The following TMEM184B variants were observed in gnomAD, a reference collection of about 807,000 sequenced individuals.
TMEM184B encodes putative MAPK-activating protein FM08.
In TMEM184B, 17 loss-of-function variants were observed where a neutral mutation model predicts 41.8. The ratio of observed to expected loss-of-function variants is 0.41; its 90% confidence interval spans 0.28 to 0.61. The LOEUF (loss-of-function observed/expected upper bound fraction) is 0.61. Among genes scored for constraint, TMEM184B ranks in the 20% least tolerant of loss-of-function variants. The pLI is 0.34. For missense variants in TMEM184B, 393 were observed against 557.8 expected, an observed-to-expected ratio of 0.70 and a Z score of 2.98; for synonymous variants, 240 against 229.5, an observed-to-expected ratio of 1.05 and a Z score of -0.41.
chr22:38,237,801 C>CTTT (rs563345165), intron 3 of TMEM184B, among the ~76,000 whole-genome samples: 1 of 139,518 alleles, frequency 7.2e-6, no homozygotes. Context: ...TCCCTACTGT[C>CTTT]TTTTTTTTTT....
At chr22:38,222,814 C>A (rs568956237) in intron 8 of TMEM184B, 37 of 671,696 alleles carry the variant, frequency 5.5e-5, no homozygotes, top group Non-Finnish European at 6.1e-5. Flanking sequence ...GTCCCCACCC[C>A]CCCAGGCCCC....
intron 1 of TMEM184B, among the ~76,000 whole-genome samples, chr22:38,253,470 C>T (rs1328353295): frequency 6.6e-6 from 1 of 152,000 alleles, no homozygotes; most frequent in Non-Finnish European, 1.5e-5. Context: ...ACTTGGGAGG[C>T]TGAGGCGGGA....
intron 3 of TMEM184B, among the ~76,000 whole-genome samples, chr22:38,243,882 G>A (rs2091967796): frequency 6.6e-6 from 1 of 152,200 alleles, no homozygotes; most frequent in African/African-American, 2.4e-5. Flanking sequence ...ATCATGCTCA[G>A]GAAGATGGAA....
At chr22:38,268,609 G>GTA (rs2092477536) in intron 1 of TMEM184B, among the ~76,000 whole-genome samples, 1 of 152,080 alleles carries the variant, frequency 6.6e-6, no homozygotes. Flanking sequence ...ATTTATTTCA[G>GTA]GTCTACTAAG....
intron 3 of TMEM184B, among the ~76,000 whole-genome samples, chr22:38,235,597 A>T (rs2091753166): frequency 6.6e-6 from 1 of 152,284 alleles, no homozygotes; most frequent in Non-Finnish European, 1.5e-5. Context: ...CCCTTTAAAC[A>T]ATCATTAGTG....
At chr22:38,263,199 G>C (rs1316949522) in intron 1 of TMEM184B, among the ~76,000 whole-genome samples, 1 of 152,020 alleles carries the variant, frequency 6.6e-6, no homozygotes, top group Non-Finnish European at 1.5e-5. Flanking sequence ...CACCGCACCT[G>C]GCCCATTTTA....
At position 38,220,221 on chromosome 22, in the gene TMEM184B, G is replaced by A. The variant is rs1191755296; in HGVS notation, c.*1248C>T. ...CCCCAGGTCTAGAGGTGTGGAGGGG[G>A]AGAGGAGGGGCTTGGTGGTCCTGAC... On this transcript the variant is annotated 3_prime_UTR_variant, in exon 9 of 9. Coordinates refer to ENST00000361906, the MANE Select transcript of TMEM184B (RefSeq NM_012264.5). 3 of 985,770 alleles carry A rather than the reference G, an allele frequency of 3.0e-6. No homozygotes were observed. The highest frequency in any genetic ancestry group is 4.7e-5 in the South Asian group (1 of 21,294). The allele number at this position is 985,770 out of a possible 1,614,324, so 61.1% of individuals were successfully genotyped here.
intron 1 of TMEM184B, among the ~76,000 whole-genome samples, chr22:38,250,115 A>G (rs2092129535): frequency 6.6e-6 from 1 of 152,192 alleles, no homozygotes; most frequent in African/African-American, 2.4e-5. Context: ...CCAAATTCGC[A>G]AGCTGGTATT....
chr22:38,270,367 G>A (rs62230167), intron 1 of TMEM184B, among the ~76,000 whole-genome samples: 14,302 of 152,276 alleles, frequency 0.094, 831 homozygotes, highest in South Asian at 0.24. Context: ...ACCACACTGG[G>A]TGGTAGGAAA....
intron 1 of TMEM184B, among the ~76,000 whole-genome samples, chr22:38,256,503 A>C (rs1023924972): frequency 2.0e-5 from 3 of 152,128 alleles, no homozygotes; most frequent in African/African-American, 7.2e-5. Flanking sequence ...TGCTGGGATT[A>C]CAGGCGTGAG....
rs1005790609 is a variant in TMEM184B at position 38,272,568 on chromosome 22, T to A, written c.-59+316A>T. 8 of 985,454 alleles carry A rather than the reference T, an allele frequency of 8.1e-6. No homozygotes were observed. In the African/African-American group the frequency reaches 1.2e-4, roughly 15 times the overall value. 61.0% of individuals were successfully genotyped at this position (985,454 alleles called of 1,614,324 possible). On this transcript the variant is annotated intron_variant, in intron 1 of 8. Transcript: ENST00000361906. Reference sequence around the variant, plus strand: ...CCCTCTTGCAAAGCGCCTTGGTCCATCCGCCTCCCTCTCCCGGGGCCGCCC... The same window carrying A: ...CCCTCTTGCAAAGCGCCTTGGTCCAACCGCCTCCCTCTCCCGGGGCCGCCC...
rs1307654337 is a variant in TMEM184B, at chr22:38,226,197, A to T, written c.617+582T>A. Among the ~76,000 whole-genome samples, 1 of 151,326 alleles carries T rather than the reference A, an allele frequency of 6.6e-6. No individual in the cohort carries two copies. The highest frequency in any genetic ancestry group is 1.5e-5 in the Non-Finnish European group (1 of 67,968). ...TGGGTTCAAGCGATTCTCCTGCCTC[A>T]GCCTCCCGAGTAGCTGGGATTATAG... On this transcript the variant is annotated intron_variant, in intron 6 of 8. Transcript: ENST00000361906. The surrounding 1 kb of genome is among the most constrained non-coding windows in gnomAD (Gnocchi z 4.6).
chr22:38,240,732 C>CAAAAAA (rs550793359), intron 3 of TMEM184B, among the ~76,000 whole-genome samples: 29 of 66,544 alleles, frequency 4.4e-4, no homozygotes, highest in East Asian at 5.1e-4. Flanking sequence ...GAAAAAAAGG[C>CAAAAAA]AAAAAAAAAA....
Position 38,221,147 on chromosome 22 carries a change from C to T in TMEM184B, c.*322G>A. The T allele has an allele frequency of 8.5e-7, 1 of 1,182,618 alleles. No homozygotes were observed. Among genetic ancestry groups the T allele is most frequent in the South Asian group, 2.8e-5 (1 of 36,092 alleles). The allele number at this position is 1,182,618 out of a possible 1,614,324, so 73.3% of individuals were successfully genotyped here. The stretch of plus-strand genomic sequence containing the variant: ...AAGGCTGCAGCCGCTGGTCCACACA[C>T]AAGCATTGGGGCCTGGGTGCGGCTG... On this transcript the variant is annotated 3_prime_UTR_variant, in exon 9 of 9. Transcript: ENST00000361906.
At chr22:38,232,637 G>A (rs118054321) in intron 3 of TMEM184B, among the ~76,000 whole-genome samples, 2,964 of 152,256 alleles carry the variant, frequency 0.019, 40 homozygotes, top group Non-Finnish European at 0.026. Context: ...TGGCCCTCCA[G>A]CCAGAGGGCT....
At chr22:38,224,428 T>A (rs1210692809) in intron 8 of TMEM184B, among the ~76,000 whole-genome samples, 2 of 152,208 alleles carry the variant, frequency 1.3e-5, no homozygotes, top group Non-Finnish European at 2.9e-5. Flanking sequence ...GTATCCTTTT[T>A]TTAAAAAATA....
intron 8 of TMEM184B, 60 bp downstream of exon 8, chr22:38,224,725 T>C (rs964320598): frequency 6.6e-7 from 1 of 1,505,964 alleles, no homozygotes; most frequent in Non-Finnish European, 8.9e-7. Flanking sequence ...GGGAGGGTCC[T>C]GGGATGTTTG....
intron 5 of TMEM184B, among the ~76,000 whole-genome samples, chr22:38,227,084 C>T (rs1449225705): frequency 1.3e-5 from 2 of 150,408 alleles, no homozygotes; most frequent in Non-Finnish European, 3.0e-5. Flanking sequence ...GGGGTGGCTA[C>T]GTGTCCTGCT....
chr22:38,221,530 C>T lies in TMEM184B; in HGVS notation c.1163G>A (p.Ser388Asn). ...GGAHGLSRSHSLSGARDNEKT... is the reference protein window; with the variant it reads ...GGAHGLSRSHNLSGARDNEKT... Reference sequence around the variant, plus strand: ...CTCGTTGTCGCGGGCGCCACTGAGGCTGTGGGAGCGGGAGAGGCCGTGGGC... The same window carrying T: ...CTCGTTGTCGCGGGCGCCACTGAGGTTGTGGGAGCGGGAGAGGCCGTGGGC... Residue 388 changes from serine to asparagine, a missense_variant, in exon 9 of 9, where the codon AGC (serine) becomes AAC (asparagine). Around this residue, in one of 2 missense-constraint regions of TMEM184B, gnomAD observed 271 missense variants for 434.1 expected, o/e 0.62. Transcript: ENST00000361906. The T allele has an allele frequency of 6.2e-7, 1 of 1,613,704 alleles. No homozygotes were observed. The highest frequency in any genetic ancestry group is 1.1e-5 in the South Asian group (1 of 91,064).
Sources: gnomAD v4.1 joint callset for allele counts (sites outside exome capture counted in the v4.1 genomes callset) on GRCh38, gnomAD v4.1.1 for gene constraint, gnomAD v4.1.1 regional missense constraint, Gnocchi (gnomAD v3.1) non-coding constraint, MANE v1.5 for transcripts, NCBI Gene and HGNC (gene_info 2026-07-23, HGNC 2026-07-21) for gene names.